The following CDH12 variants were observed in gnomAD, a reference collection of about 807,000 sequenced individuals.
The protein encoded by CDH12 is cadherin 12, also known as cadherin-12.
In CDH12, 41 loss-of-function variants were observed where a neutral mutation model predicts 74.1. That is an observed-to-expected ratio of 0.55 (90% CI 0.43 to 0.72). The LOEUF is 0.72. CDH12 is among the 30% of genes least tolerant of loss of function. CDH12 has a pLI of 0.00. For synonymous variants in CDH12, 399 were observed against 355.0 expected (o/e 1.12, Z -1.39); for missense variants, 945 against 977.2 (o/e 0.97, Z 0.44).
intron 1 of CDH12, among the ~76,000 whole-genome samples, chr5:22,691,981 T>C (rs972876748): frequency 6.6e-6 from 1 of 152,160 alleles, no homozygotes; most frequent in African/African-American, 2.4e-5. Flanking sequence ...CATGGTGATA[T>C]AGTTTGGATA....
At chr5:22,429,826 A>G (rs925576512) in intron 2 of CDH12, among the ~76,000 whole-genome samples, 2 of 152,192 alleles carry the variant, frequency 1.3e-5, no homozygotes, top group African/African-American at 4.8e-5. Flanking sequence ...GGTTGTTAGT[A>G]TGTGTGACAC....
At chr5:22,295,326 T>A (rs55983305) in intron 3 of CDH12, among the ~76,000 whole-genome samples, 14,265 of 152,202 alleles carry the variant, frequency 0.094, 696 homozygotes, top group South Asian at 0.16. Flanking sequence ...CAAGTTAAAA[T>A]CCACAATTTT....
intron 8 of CDH12, among the ~76,000 whole-genome samples, chr5:21,832,094 T>G (rs1050219167): frequency 1.3e-5 from 2 of 152,116 alleles, no homozygotes; most frequent in Non-Finnish European, 2.9e-5. Flanking sequence ...TTTAATATCT[T>G]TCAGAAAAAT....
At chr5:22,040,496 A>G (rs1739502458) in intron 5 of CDH12, among the ~76,000 whole-genome samples, 1 of 152,184 alleles carries the variant, frequency 6.6e-6, no homozygotes, top group Non-Finnish European at 1.5e-5. Context: ...GTCTTCACTG[A>G]GACATATTGT....
intron 6 of CDH12, chr5:21,882,915 T>C: frequency 6.2e-7 from 1 of 1,605,014 alleles, no homozygotes; most frequent in East Asian, 2.2e-5. Flanking sequence ...AAATGAAGAA[T>C]CTGGGGATGG....
At chr5:21,780,371 A>T (rs1429276353) in intron 11 of CDH12, among the ~76,000 whole-genome samples, 1 of 152,222 alleles carries the variant, frequency 6.6e-6, no homozygotes, top group Non-Finnish European at 1.5e-5. Flanking sequence ...AGGCTCTGAA[A>T]GGAGACACTA....
chr5:22,155,226 T>C (rs1747946722), intron 4 of CDH12, among the ~76,000 whole-genome samples: 1 of 152,144 alleles, frequency 6.6e-6, no homozygotes, highest in East Asian at 1.9e-4. Context: ...GTGTGCTATG[T>C]AACATGACCA....
intron 4 of CDH12, among the ~76,000 whole-genome samples, chr5:22,092,371 A>T (rs1319256850): frequency 1.3e-5 from 2 of 152,190 alleles, no homozygotes; most frequent in African/African-American, 4.8e-5. Context: ...TATTCACTTG[A>T]CAAGAGACTT....
At chr5:22,366,090 C>A (rs1294813901) in intron 3 of CDH12, among the ~76,000 whole-genome samples, 2 of 152,068 alleles carry the variant, frequency 1.3e-5, no homozygotes, top group East Asian at 3.9e-4. Flanking sequence ...TCCTGAGTAG[C>A]TGGTATTACA....
At chr5:22,586,175 T>C (rs967677305) in intron 1 of CDH12, among the ~76,000 whole-genome samples, 43 of 152,138 alleles carry the variant, frequency 2.8e-4, no homozygotes, top group African/African-American at 1.0e-3. Flanking sequence ...AAATGATGAG[T>C]TCATGTCCTT....
chr5:22,821,643 A>C (rs1197591548), intron 1 of CDH12, among the ~76,000 whole-genome samples: 1 of 152,066 alleles, frequency 6.6e-6, no homozygotes, highest in East Asian at 1.9e-4. Context: ...TGCTTCAAAG[A>C]GAATAAAATA....
intron 3 of CDH12, among the ~76,000 whole-genome samples, chr5:22,297,979 G>T (rs1737703466): frequency 2.0e-5 from 3 of 151,522 alleles, no homozygotes; most frequent in Non-Finnish European, 4.4e-5. Flanking sequence ...TATATTTCAA[G>T]ACTTATATTT....
At chr5:22,545,475 C>G (rs892522579) in intron 1 of CDH12, among the ~76,000 whole-genome samples, 2 of 152,094 alleles carry the variant, frequency 1.3e-5, no homozygotes, top group Non-Finnish European at 2.9e-5. Context: ...TAATATAGAT[C>G]CCTAGATGAT....
At chr5:22,047,941 T>C (rs140815256) in intron 5 of CDH12, among the ~76,000 whole-genome samples, 1,775 of 152,312 alleles carry the variant, frequency 0.012, 29 homozygotes, top group African/African-American at 0.04. Flanking sequence ...TGGATACTTC[T>C]TTTTCAGTTC....
intron 5 of CDH12, among the ~76,000 whole-genome samples, chr5:22,007,593 A>T (rs1488365571): frequency 6.6e-6 from 1 of 152,200 alleles, no homozygotes; most frequent in Non-Finnish European, 1.5e-5. Flanking sequence ...CAGAAAAATT[A>T]TTCCTGTTTA....
intron 6 of CDH12, among the ~76,000 whole-genome samples, chr5:21,924,317 A>C (rs909779610): frequency 6.6e-6 from 1 of 152,096 alleles, no homozygotes; most frequent in African/African-American, 2.4e-5. Flanking sequence ...GGAGTTTGAG[A>C]CCAGCTTGGC....
chr5:22,780,378 C>G (rs1049853416), intron 1 of CDH12, among the ~76,000 whole-genome samples: 7 of 152,068 alleles, frequency 4.6e-5, no homozygotes, highest in Admixed American at 2.6e-4. Context: ...TAAAGAAATA[C>G]GTGAGATTGG....
chr5:22,118,391 G>A (rs868850988), intron 4 of CDH12, among the ~76,000 whole-genome samples: 17 of 151,934 alleles, frequency 1.1e-4, no homozygotes, highest in African/African-American at 3.4e-4. Context: ...CGTTGTTGTC[G>A]TCTCTAAAAC....
At chr5:22,663,186 A>C (rs1580864002) in intron 1 of CDH12, among the ~76,000 whole-genome samples, 1 of 35,668 alleles carries the variant, frequency 2.8e-5, no homozygotes, top group East Asian at 8.3e-4. Flanking sequence ...AAACTATGAG[A>C]ACCAGTTAAA....
Sources: allele counts gnomAD v4.1 joint callset (sites outside exome capture counted in the v4.1 genomes callset), GRCh38; gene constraint gnomAD v4.1.1; transcripts MANE v1.5; gene names NCBI Gene and HGNC (gene_info 2026-07-23, HGNC 2026-07-21).